Variants in LMO7 observed in about 807,000 individuals in gnomAD.
LMO7 encodes the protein LIM domain 7.
A neutral mutation model predicts 206.5 loss-of-function variants in LMO7; 120 were observed. The ratio of observed to expected loss-of-function variants is 0.58; its 90% CI spans 0.50 to 0.68. The LOEUF (loss-of-function observed/expected upper bound fraction) is 0.68. LMO7 is among the 30% of genes least tolerant of loss of function. LMO7 has a pLI of 0.00. For synonymous variants in LMO7, 706 were observed against 681.5 expected, an observed-to-expected ratio of 1.04 and a Z score of -0.56; for missense variants, 1,959 against 1,957.9, an observed-to-expected ratio of 1.00 and a Z score of -0.01.
chr13:75,857,802 G>C, intron 30 of LMO7, 119 bp from the exon 31 acceptor site: 1 of 571,264 alleles, frequency 1.8e-6, no homozygotes, highest in Non-Finnish European at 3.1e-6. Context: ...GTGAGTGACA[G>C]GTTACTCTTT....
intron 4 of LMO7, among the ~76,000 whole-genome samples, chr13:75,774,620 G>T (rs2050143829): frequency 6.6e-6 from 1 of 152,020 alleles, no homozygotes; most frequent in Non-Finnish European, 1.5e-5. Flanking sequence ...AGTGATTTTT[G>T]AGCATCTTTC....
intron 1 of LMO7, among the ~76,000 whole-genome samples, chr13:75,671,103 G>A (rs67810171): frequency 0.095 from 14,326 of 151,590 alleles, 746 homozygotes; most frequent in Middle Eastern, 0.12. Context: ...CCACTGGAAG[G>A]CCCTCAGGGG....
At chr13:75,709,849 T>C (rs1205249777) in intron 1 of LMO7, among the ~76,000 whole-genome samples, 1 of 124,708 alleles carries the variant, frequency 8.0e-6, no homozygotes, top group Non-Finnish European at 1.7e-5. Context: ...TTGCTTTTGG[T>C]GTTTTAGACA....
At chr13:75,775,995 T>C (rs2140156815) in intron 4 of LMO7, among the ~76,000 whole-genome samples, 1 of 150,402 alleles carries the variant, frequency 6.6e-6, no homozygotes, top group African/African-American at 2.4e-5. Context: ...ATCAAAAAGA[T>C]ACCTGCAGTC....
At chr13:75,848,272 A>G (rs1358277705) in intron 26 of LMO7, among the ~76,000 whole-genome samples, 1 of 152,082 alleles carries the variant, frequency 6.6e-6, no homozygotes, top group African/African-American at 2.4e-5. Context: ...ATGCTTTTGC[A>G]TCCTCATAGC....
rs945117988 is a variant in LMO7 at position 75,712,289 on chromosome 13, C to T, written c.70-893C>T. Among the ~76,000 whole-genome samples the T allele has an allele frequency of 7.2e-5, 11 of 152,280 alleles. No individual in the cohort carries two copies. In the South Asian group the frequency reaches 1.0e-3, roughly 14 times the overall value. Reference sequence around the variant, plus strand: ...GGAGCAGGGACTACTCCTGTTTTTACGTGGTGGCTGCATCTCCAGGACAGC... The same window carrying T: ...GGAGCAGGGACTACTCCTGTTTTTATGTGGTGGCTGCATCTCCAGGACAGC... On this transcript the variant is annotated intron_variant, in intron 1 of 30. Coordinates refer to ENST00000377534, the MANE Select transcript of LMO7 (RefSeq NM_001306080.2).
rs111294296 is a variant in LMO7, at chr13:75,857,757, C to T, written c.4874-164C>T. The T allele has an allele frequency of 4.1e-4, 173 of 421,588 alleles. 1 individual carries two copies. The highest frequency in any genetic ancestry group is 3.2e-3 in the Admixed American group (74 of 23,396). The allele number at this position is 421,588 out of a possible 1,614,324, so 26.1% of individuals were successfully genotyped here. A position where few individuals can be genotyped will look rare whatever the true frequency, so the allele number is the denominator to read the frequency against. ...TTTTACAAATAAAGAATTCCAGAGA[C>T]GAGACACTGAGACTTGCCTAGCTTT... On this transcript the variant is annotated intron_variant, in intron 30 of 30. Coordinates refer to ENST00000377534, the MANE Select transcript of LMO7 (RefSeq NM_001306080.2).
chr13:75,665,057 T>C (rs868033225), intron 1 of LMO7, among the ~76,000 whole-genome samples: 11 of 152,298 alleles, frequency 7.2e-5, no homozygotes, highest in Middle Eastern at 3.4e-3. Flanking sequence ...GGGTCAGGTG[T>C]GTGTATATGT....
At chr13:75,823,520 A>T in intron 14 of LMO7, 45 bp from the exon 15 acceptor site, 2 of 1,394,668 alleles carry the variant, frequency 1.4e-6, no homozygotes, top group Non-Finnish European at 2.0e-6. Context: ...AAACAGAAAT[A>T]AAGGTAACAG....
chr13:75,689,950 T>G (rs1177960788), intron 1 of LMO7, among the ~76,000 whole-genome samples: 1 of 152,150 alleles, frequency 6.6e-6, no homozygotes, highest in Non-Finnish European at 1.5e-5. Flanking sequence ...TCCTGTGAGT[T>G]CTGTTCCTCT....
At chr13:75,841,583 A>G in intron 23 of LMO7, 45 bp from the exon 24 acceptor site, 4 of 1,361,716 alleles carry the variant, frequency 2.9e-6, no homozygotes, top group Middle Eastern at 1.9e-4. Context: ...GAAATTACGG[A>G]AATAAACAGA....
At chr13:75,680,395 C>A (rs1191459012) in intron 1 of LMO7, among the ~76,000 whole-genome samples, 2 of 152,068 alleles carry the variant, frequency 1.3e-5, no homozygotes, top group African/African-American at 2.4e-5. Context: ...ATGATTTATC[C>A]TCCTTAGGCT....
At chr13:75,802,936 A>G (rs1358432649) in intron 7 of LMO7, among the ~76,000 whole-genome samples, 1 of 152,178 alleles carries the variant, frequency 6.6e-6, no homozygotes, top group Non-Finnish European at 1.5e-5. Context: ...ACTTTGGGGG[A>G]AAAAATTCTC....
chr13:75,830,721 A>G (rs1816161262), intron 15 of LMO7, among the ~76,000 whole-genome samples: 1 of 152,186 alleles, frequency 6.6e-6, no homozygotes, highest in African/African-American at 2.4e-5. Context: ...ATGAGATAGT[A>G]TGTCCAATCT....
At chr13:75,831,895 T>A (rs750788184) in intron 15 of LMO7, among the ~76,000 whole-genome samples, 4 of 152,172 alleles carry the variant, frequency 2.6e-5, no homozygotes, top group Non-Finnish European at 5.9e-5. Flanking sequence ...GCAAGTACTA[T>A]CCTAGTTTTT....
chr13:75,782,051 C>T (rs1445796747), intron 4 of LMO7, among the ~76,000 whole-genome samples: 2 of 152,102 alleles, frequency 1.3e-5, no homozygotes, highest in Non-Finnish European at 2.9e-5. Flanking sequence ...GAGTAGGTTG[C>T]AAAAATTTTC....
At chr13:75,686,752 TATAAC>T in intron 1 of LMO7, among the ~76,000 whole-genome samples, 1 of 152,234 alleles carries the variant, frequency 6.6e-6, no homozygotes, top group Non-Finnish European at 1.5e-5. Context: ...TCAGGGCTGC[TATAAC>T]AGAGTATATA....
intron 3 of LMO7, among the ~76,000 whole-genome samples, chr13:75,740,475 A>G (rs1052976014): frequency 1.4e-4 from 22 of 152,218 alleles, no homozygotes; most frequent in African/African-American, 5.1e-4. Context: ...AACGTAAATT[A>G]AAGAAGCAAA....
At chr13:75,794,925 CT>C (rs2053766239) in intron 4 of LMO7, among the ~76,000 whole-genome samples, 1 of 151,930 alleles carries the variant, frequency 6.6e-6, no homozygotes, top group Non-Finnish European at 1.5e-5. Flanking sequence ...GATGAAAAAC[CT>C]TATGGATGAT....
Sources: allele counts gnomAD v4.1 joint callset (sites outside exome capture counted in the v4.1 genomes callset), GRCh38; gene constraint gnomAD v4.1.1; transcripts MANE v1.5; gene names NCBI Gene and HGNC (gene_info 2026-07-23, HGNC 2026-07-21).